Variants in WDR89 observed in about 807,000 individuals in gnomAD.
WDR89 encodes the protein WD repeat-containing protein 89.
Under a neutral mutation model 29.1 loss-of-function variants are expected in WDR89, and 17 were observed. The ratio of observed to expected loss-of-function variants is 0.58; its 90% confidence interval spans 0.40 to 0.88. The LOEUF (loss-of-function observed/expected upper bound fraction) is 0.88. Among genes scored for constraint, WDR89 ranks in the 40% least tolerant of loss-of-function variants. The pLI is 0.00. For missense variants in WDR89, 396 were observed against 456.3 expected, an observed-to-expected ratio of 0.87 and a Z score of 1.20; for synonymous variants, 138 against 157.8, an observed-to-expected ratio of 0.87 and a Z score of 0.94.
chr14:63,622,440 G>C (rs1008776956), intron 2 of WDR89, among the ~76,000 whole-genome samples: 1 of 152,288 alleles, frequency 6.6e-6, no homozygotes, highest in East Asian at 1.9e-4. Context: ...AATTAACTGG[G>C]CGTGGTGGCA....
At chr14:63,641,559 G>A (rs1343920614) in intron 1 of WDR89, among the ~76,000 whole-genome samples, 2 of 152,340 alleles carry the variant, frequency 1.3e-5, no homozygotes, top group South Asian at 4.1e-4. Context: ...GAACTGCACC[G>A]GCAACAGCAG....
At chr14:63,601,549 G>A (rs982448519) in intron 2 of WDR89, 11 of 1,579,854 alleles carry the variant, frequency 7.0e-6, no homozygotes, top group African/African-American at 5.4e-5. Context: ...CTCTTTGACC[G>A]AGTATTGGTT....
chr14:63,617,195 A>C (rs547104340), intron 2 of WDR89, among the ~76,000 whole-genome samples: 1 of 149,106 alleles, frequency 6.7e-6, no homozygotes, highest in East Asian at 2.0e-4. Context: ...ATTCTGTCTC[A>C]AGCCTCCCAA....
intron 2 of WDR89, among the ~76,000 whole-genome samples, chr14:63,604,074 G>C (rs965520271): frequency 6.6e-6 from 1 of 152,132 alleles, no homozygotes; most frequent in Non-Finnish European, 1.5e-5. Context: ...GCCAATCAAC[G>C]TGAAAAAGCC....
In WDR89 at chr14:63,603,404, G is replaced by A. The variant is rs1231103493; in HGVS notation, c.-31-3431C>T. Among the ~76,000 whole-genome samples the A allele has an allele frequency of 2.6e-5, 4 of 152,198 alleles. No homozygotes were observed. The East Asian group carries it at 7.7e-4, about 29-fold the overall frequency. On this transcript the variant is annotated intron_variant, in intron 2 of 2. Transcript: ENST00000620954. ...CCAACCTTCTGTTTTTCATGTCATG[G>A]AATTTTTTGAATATCCTATTCTTCA...
At chr14:63,634,742 G>A (rs1326259383) in intron 1 of WDR89, among the ~76,000 whole-genome samples, 1 of 151,948 alleles carries the variant, frequency 6.6e-6, no homozygotes, top group East Asian at 1.9e-4. Flanking sequence ...GGTGGCACAT[G>A]CCTATAATCC....
chr14:63,635,708 T>C (rs539566305), intron 1 of WDR89, among the ~76,000 whole-genome samples: 3 of 152,214 alleles, frequency 2.0e-5, no homozygotes, highest in Non-Finnish European at 4.4e-5. Flanking sequence ...GCTGAAGACA[T>C]GGTCAATTAC....
In WDR89 at chr14:63,605,629, T is replaced by C. The variant is rs1895287096; in HGVS notation, c.-31-5656A>G. 2.6e-5 allele frequency among the ~76,000 whole-genome samples: 4 copies of C among 152,074 alleles called. No individual in the cohort carries two copies. The South Asian group carries it at 8.3e-4, about 32-fold the overall frequency. On this transcript the variant is annotated intron_variant, in intron 2 of 2. Coordinates refer to ENST00000620954, the MANE Select transcript of WDR89 (RefSeq NM_080666.4). Reference sequence around the variant, plus strand: ...CATATGCCACAATGCCCAGCTAATTTTTGTGTTTTTAGTAGAGACAGGGTT... The same window carrying C: ...CATATGCCACAATGCCCAGCTAATTCTTGTGTTTTTAGTAGAGACAGGGTT...
intron 2 of WDR89, 66 bp from the exon 3 acceptor site, chr14:63,600,039 T>C: frequency 1.0e-6 from 1 of 991,162 alleles, no homozygotes; most frequent in South Asian, 3.4e-5. Context: ...TAAAAAAATT[T>C]AACTTGAAGT....
intron 2 of WDR89, among the ~76,000 whole-genome samples, chr14:63,616,978 A>C (rs1364479935): frequency 1.3e-5 from 2 of 152,134 alleles, no homozygotes; most frequent in South Asian, 2.1e-4. Flanking sequence ...GGGCAGTCAA[A>C]AATGATTCTT....
chr14:63,605,139 A>G (rs1895252217), intron 2 of WDR89, among the ~76,000 whole-genome samples: 3 of 151,864 alleles, frequency 2.0e-5, no homozygotes, highest in African/African-American at 7.3e-5. Flanking sequence ...ACAGAGCAAG[A>G]CACGTGCTGT....
At position 63,598,148 on chromosome 14, in the gene WDR89, T is replaced by C. The variant is rs1405889483; in HGVS notation, c.*631A>G. 1 of 152,216 alleles carries C rather than the reference T, an allele frequency of 6.6e-6. No homozygotes were observed. The highest frequency in any genetic ancestry group is 1.5e-5 in the Non-Finnish European group (1 of 68,034). The allele number at this position is 152,216 out of a possible 1,614,324, so 9.4% of individuals were successfully genotyped here. ...TTTTGTATTTCACTTTGAGTCTCAA[T>C]TTACCAAGATAACTTCCTTTCAATC... On this transcript the variant is annotated 3_prime_UTR_variant, in exon 3 of 3. Coordinates refer to ENST00000620954, the MANE Select transcript of WDR89 (RefSeq NM_080666.4).
Position 63,600,717 on chromosome 14 carries a change from C to CAAAAAAA in WDR89, c.-31-751_-31-745dup, listed in dbSNP as rs56059698. ...TAGAATTTAAACATAGATATGTAGG[C>CAAAAAAA]AAAAAAAAAAAAAAAAAAAAAAAAA... is the stretch of plus-strand genomic sequence containing the variant. On this transcript the variant is annotated intron_variant, in intron 2 of 2. Coordinates refer to ENST00000620954, the MANE Select transcript of WDR89 (RefSeq NM_080666.4). 6.1e-4 allele frequency among the ~76,000 whole-genome samples: 22 copies of CAAAAAAA among 36,208 alleles called. 1 individual carries two copies. Among genetic ancestry groups the CAAAAAAA allele is most frequent in the South Asian group, 1.9e-3 (1 of 522 alleles). 23.8% of individuals were successfully genotyped at this position (36,208 alleles called of 152,430 possible). A position where few individuals can be genotyped will look rare whatever the true frequency, so the allele number is the denominator to read the frequency against.
intron 2 of WDR89, among the ~76,000 whole-genome samples, chr14:63,602,409 G>A (rs1235163220): frequency 7.5e-6 from 1 of 133,894 alleles, no homozygotes; most frequent in Non-Finnish European, 1.5e-5. Flanking sequence ...GTTGCAATGA[G>A]CCAAGGTCTT....
chr14:63,640,021 T>C (rs1884000144), intron 1 of WDR89, among the ~76,000 whole-genome samples: 1 of 152,208 alleles, frequency 6.6e-6, no homozygotes, highest in Admixed American at 6.5e-5. Flanking sequence ...ATGGGCTTGA[T>C]CTTACTTTTG....
chr14:63,627,836 C>T (rs1414455552), intron 1 of WDR89, among the ~76,000 whole-genome samples: 1 of 151,950 alleles, frequency 6.6e-6, no homozygotes, highest in Non-Finnish European at 1.5e-5. Flanking sequence ...GCCTGCAGTC[C>T]CAGCTACCAG....
intron 2 of WDR89, among the ~76,000 whole-genome samples, chr14:63,623,814 G>A (rs1882867056): frequency 6.6e-6 from 1 of 151,720 alleles, no homozygotes. Context: ...TGGGGGTGGT[G>A]GGGAGAGAGA....
rs1894924654 is a variant in WDR89 at position 63,599,119 on chromosome 14, T to C, written c.824A>G (p.Asp275Gly). 1.9e-6 allele frequency: 3 copies of C among 1,614,078 alleles called. No homozygotes were observed. The highest frequency in any genetic ancestry group is 2.7e-5 in the African/African-American group (2 of 75,064). ...EVVNMKEDAL[D>G]YLIGGLYHEK... ...ATGATATAGGCCACCAATCAAATAG[T>C]CCAAAGCATCTTCTTTCATGTTAAC... The change falls in exon 3 of 3, where the codon GAC (aspartate) becomes GGC (glycine). Residue 275 changes from aspartate to glycine, a missense_variant. By Grantham distance (94) the Asp-to-Gly change is moderately conservative (BLOSUM62 -1). Coordinates refer to ENST00000620954, the MANE Select transcript of WDR89 (RefSeq NM_080666.4).
intron 2 of WDR89, among the ~76,000 whole-genome samples, chr14:63,609,693 G>A (rs1175663747): frequency 1.3e-5 from 2 of 152,088 alleles, no homozygotes; most frequent in Non-Finnish European, 2.9e-5. Context: ...GGGAGGCTGA[G>A]GCAGGAGAAT....
Sources: allele counts gnomAD v4.1 joint callset (sites outside exome capture counted in the v4.1 genomes callset), GRCh38; gene constraint gnomAD v4.1.1; transcripts MANE v1.5; gene names NCBI Gene and HGNC (gene_info 2026-07-23, HGNC 2026-07-21).